The following UVSSA variants were observed in gnomAD, a reference collection of about 807,000 sequenced individuals.
UVSSA encodes the protein UV-stimulated scaffold protein A.
Under a neutral mutation model 73.9 loss-of-function variants are expected in UVSSA, and 72 were observed. The observed-to-expected ratio is 0.97, with a 90% CI of 0.81 to 1.19. The LOEUF is 1.19. Among genes scored for constraint, UVSSA ranks in the 50% most tolerant of loss-of-function variants. UVSSA has a pLI of 0.00. For missense variants in UVSSA, 1,150 were observed against 965.0 expected, an observed-to-expected ratio of 1.19 and a Z score of -2.54; for synonymous variants, 454 against 391.3, an observed-to-expected ratio of 1.16 and a Z score of -1.89.
chr4:1,382,167 C>T (rs1577379576), intron 12 of UVSSA, among the ~76,000 whole-genome samples: 2 of 152,220 alleles, frequency 1.3e-5, no homozygotes, highest in South Asian at 2.1e-4. Context: ...CAGCCCTGGG[C>T]GGCGGGAGGG....
At chr4:1,371,977 C>G (rs558157108) in intron 8 of UVSSA, among the ~76,000 whole-genome samples, 1 of 152,214 alleles carries the variant, frequency 6.6e-6, no homozygotes, top group Non-Finnish European at 1.5e-5. Flanking sequence ...CCTCTGCACC[C>G]GTAGCCCTCA....
chr4:1,394,456 C>G (rs1428607793), exon 14 of UVSSA: 1 of 1,607,178 alleles, frequency 6.2e-7, no homozygotes, highest in Non-Finnish European at 8.5e-7. Context: ...AAAATGTGAG[C>G]CAGGAAACCC....
chr4:1,395,147 C>G (rs144963117), exon 14 of UVSSA: 1 of 1,299,852 alleles, frequency 7.7e-7, no homozygotes, highest in Admixed American at 2.1e-5. Flanking sequence ...CCTGCTCACA[C>G]GTGCCCATGT....
At chr4:1,375,300 C>T in intron 8 of UVSSA, 64 bp from the exon 9 acceptor site, 1 of 1,598,108 alleles carries the variant, frequency 6.3e-7, no homozygotes, top group South Asian at 1.1e-5. Context: ...ACTGCCCGGT[C>T]TTGCCTGATG....
intron 7 of UVSSA, among the ~76,000 whole-genome samples, chr4:1,360,349 G>A (rs762715740): frequency 5.3e-5 from 8 of 152,198 alleles, no homozygotes; most frequent in African/African-American, 9.7e-5. Flanking sequence ...AACACAGGGC[G>A]CTTGCCAGAC....
intron 10 of UVSSA, among the ~76,000 whole-genome samples, chr4:1,379,259 T>C (rs904657440): frequency 5.3e-5 from 8 of 152,188 alleles, no homozygotes; most frequent in African/African-American, 1.9e-4. Context: ...TGGCTGTGTG[T>C]CCTAGAAGGA....
intron 7 of UVSSA, among the ~76,000 whole-genome samples, chr4:1,356,388 G>T (rs1715764391): frequency 6.6e-6 from 1 of 152,184 alleles, no homozygotes; most frequent in Non-Finnish European, 1.5e-5. Context: ...CCAGGGGCCA[G>T]CAGAGGGCGA....
At chr4:1,349,292 T>C (rs1714288245) in intron 2 of UVSSA, among the ~76,000 whole-genome samples, 1 of 152,212 alleles carries the variant, frequency 6.6e-6, no homozygotes, top group Admixed American at 6.5e-5. Context: ...TATTTTTTGT[T>C]TGTATTGACA....
intron 8 of UVSSA, 82 bp downstream of exon 8, chr4:1,366,513 G>A: frequency 2.9e-6 from 3 of 1,033,602 alleles, no homozygotes; most frequent in Non-Finnish European, 4.3e-6. Flanking sequence ...CATGACCTCA[G>A]GGGCAGGGCC....
downstream of UVSSA, chr4:1,388,575 A>G (rs567267344): frequency 6.6e-6 from 1 of 152,344 alleles, no homozygotes; most frequent in East Asian, 1.9e-4. Context: ...CTCACCATTG[A>G]ATGTGATGCT....
chr4:1,393,034 A>G (rs116883986), downstream of UVSSA: 1 of 152,256 alleles, frequency 6.6e-6, no homozygotes, highest in East Asian at 1.9e-4. Flanking sequence ...TTTTATGTCC[A>G]TGTTCTCTTC....
chr4:1,380,614 T>C, intron 11 of UVSSA: 1 of 1,500,792 alleles, frequency 6.7e-7, no homozygotes, highest in Non-Finnish European at 8.9e-7. Flanking sequence ...GGGGTCGCTA[T>C]GGCCATGCTG....
downstream of UVSSA, chr4:1,392,301 A>T (rs886907056): frequency 6.6e-6 from 1 of 152,346 alleles, no homozygotes; most frequent in Non-Finnish European, 1.5e-5. Context: ...TGCTTTATGC[A>T]GTTGTCTTTT....
At chr4:1,377,521 C>T (rs530016263) in intron 10 of UVSSA, among the ~76,000 whole-genome samples, 4 of 152,252 alleles carry the variant, frequency 2.6e-5, no homozygotes, top group African/African-American at 7.2e-5. Flanking sequence ...CACACATTGC[C>T]ACCAGGGGTG....
intron 7 of UVSSA, among the ~76,000 whole-genome samples, chr4:1,356,305 G>A (rs1037890677): frequency 2.0e-5 from 3 of 152,142 alleles, no homozygotes; most frequent in Non-Finnish European, 2.9e-5. Flanking sequence ...AGCTCCTCTC[G>A]ATTAAATGCT....
upstream of UVSSA, among the ~76,000 whole-genome samples, chr4:1,346,303 C>T (rs974082695): frequency 6.6e-6 from 1 of 152,050 alleles, no homozygotes; most frequent in African/African-American, 2.4e-5. Context: ...CGGCGGCCCC[C>T]GCCCTGCACC....
chr4:1,353,504 G>A (rs1715138013), intron 5 of UVSSA, 91 bp downstream of exon 5: 11 of 1,419,198 alleles, frequency 7.8e-6, no homozygotes, highest in South Asian at 1.6e-5. Flanking sequence ...AGGAGCCTGG[G>A]GATGCAGGGG....
Position 1,361,458 on chromosome 4 carries a change from G to A in UVSSA, c.1177-4862G>A, listed in dbSNP as rs1012988017. Reference sequence around the variant, plus strand: ...TTCTAGAAAGCAACGACTTGCTTCAGCAGAACCTCCAGGCTCTCGTTTCAG... The same window carrying A: ...TTCTAGAAAGCAACGACTTGCTTCAACAGAACCTCCAGGCTCTCGTTTCAG... On this transcript the variant is annotated intron_variant, in intron 7 of 13. Coordinates refer to ENST00000389851, the MANE Select transcript of UVSSA (RefSeq NM_020894.4). Among the ~76,000 whole-genome samples, 12 of 152,378 alleles carry A rather than the reference G, an allele frequency of 7.9e-5. 2 individuals are homozygous for A. The highest frequency in any genetic ancestry group is 3.9e-4 in the East Asian group (2 of 5,188).
At chr4:1,394,316 T>G in exon 14 of UVSSA, 1 of 1,010,210 alleles carries the variant, frequency 9.9e-7, no homozygotes, top group Non-Finnish European at 1.4e-6. Flanking sequence ...GCTTCTAAGT[T>G]TTGTGTTCTA....
Sources: allele counts gnomAD v4.1 joint callset (sites outside exome capture counted in the v4.1 genomes callset), GRCh38; gene constraint gnomAD v4.1.1; transcripts MANE v1.5; gene names NCBI Gene and HGNC (gene_info 2026-07-23, HGNC 2026-07-21).